Variants in TMEM120B observed in about 807,000 individuals in gnomAD.
The protein encoded by TMEM120B is transmembrane protein 120B.
Under a neutral mutation model 55.5 loss-of-function variants are expected in TMEM120B, and 31 were observed. That is an observed-to-expected ratio of 0.56 (90% CI 0.42 to 0.75). TMEM120B has a LOEUF of 0.75. Among genes scored for constraint, TMEM120B ranks in the 30% least tolerant of loss-of-function variants. The pLI is 0.00. For missense variants in TMEM120B, 399 were observed against 425.5 expected (o/e 0.94, Z 0.55); for synonymous variants, 203 against 176.3 (o/e 1.15, Z -1.20).
intron 5 of TMEM120B, among the ~76,000 whole-genome samples, chr12:121,760,227 C>T (rs2669162): frequency 0.18 from 26,805 of 151,364 alleles, 2,664 homozygotes; most frequent in South Asian, 0.3. Context: ...CGGTTGAACC[C>T]GGGAGGCAGA....
intron 1 of TMEM120B, 124 bp downstream of exon 1, chr12:121,713,088 G>C (rs1191858243): frequency 2.8e-6 from 2 of 712,072 alleles, no homozygotes; most frequent in East Asian, 7.1e-5. Flanking sequence ...GAGAGGCCCT[G>C]GGGGCGGACG....
intron 1 of TMEM120B, among the ~76,000 whole-genome samples, chr12:121,718,144 A>G (rs1268657931): frequency 1.3e-5 from 2 of 152,172 alleles, no homozygotes; most frequent in East Asian, 1.9e-4. Flanking sequence ...AACAATAACA[A>G]TAATAGCTAA....
chr12:121,712,829 G>A lies in TMEM120B; in HGVS notation c.-67G>A. On this transcript the variant is annotated 5_prime_UTR_variant, in exon 1 of 12. Transcript: ENST00000449592. ...GTCGGCGAGCGCGCGGGCGTGGGGC[G>A]CTGGGGGGCCGGTCGGGCAGCGCTG... 4.0e-6 allele frequency: 5 copies of A among 1,242,926 alleles called. No individual in the cohort carries two copies. In the South Asian group the frequency reaches 9.3e-5, roughly 23 times the overall value. 77.0% of individuals were successfully genotyped at this position (1,242,926 alleles called of 1,614,324 possible). A position where few individuals can be genotyped will look rare whatever the true frequency, so the allele number is the denominator to read the frequency against.
intron 1 of TMEM120B, among the ~76,000 whole-genome samples, chr12:121,718,000 A>G (rs1894731435): frequency 6.6e-6 from 1 of 152,170 alleles, no homozygotes; most frequent in Non-Finnish European, 1.5e-5. Flanking sequence ...AAGACACTGC[A>G]CAGGGAATCA....
chr12:121,772,082 TC>T (rs1874077144), intron 8 of TMEM120B, among the ~76,000 whole-genome samples: 4 of 137,440 alleles, frequency 2.9e-5, no homozygotes, highest in Admixed American at 2.1e-4. Context: ...TCTTTCTTTC[TC>T]TTTCTCTCTC....
At position 121,712,780 on chromosome 12, in the gene TMEM120B, G is replaced by A. The variant is rs1233602042; in HGVS notation, c.-116G>A. ...TGCGCGCGTGGCTCTGGCTGCGCAG[G>A]AACAGCTGGTGCCTCCGAGGGCGGT... On this transcript the variant is annotated 5_prime_UTR_variant, in exon 1 of 12. Coordinates refer to ENST00000449592, the MANE Select transcript of TMEM120B (RefSeq NM_001080825.2). 2 of 655,940 alleles carry A rather than the reference G, an allele frequency of 3.0e-6. No homozygotes were observed. Among genetic ancestry groups the A allele is most frequent in the Non-Finnish European group, 4.3e-6 (2 of 464,192 alleles). The allele number at this position is 655,940 out of a possible 1,614,324, so 40.6% of individuals were successfully genotyped here.
chr12:121,752,061 G>T, intron 4 of TMEM120B, 67 bp from the exon 5 acceptor site: 1 of 1,352,622 alleles, frequency 7.4e-7, no homozygotes, highest in Non-Finnish European at 1.1e-6. Flanking sequence ...ATGGGGCTGA[G>T]GGCCATGCCC....
In TMEM120B at chr12:121,746,957, C is replaced by CA. The variant is rs57485968; in HGVS notation, c.189-1358dup. On this transcript the variant is annotated intron_variant, in intron 2 of 11. Transcript: ENST00000449592. ...TGGGCGACAGAGCAAGACTCTGTCT[C>CA]AAAAAAAAAAAGAAAAGAAAAGAAA... is the stretch of plus-strand genomic sequence containing the variant. Among the ~76,000 whole-genome samples the CA allele has an allele frequency of 1.9e-3, 229 of 119,136 alleles. 1 individual carries two copies. The highest frequency in any genetic ancestry group is 3.0e-3 in the Non-Finnish European group (165 of 54,772). 78.2% of individuals were successfully genotyped at this position (119,136 alleles called of 152,430 possible).
chr12:121,742,250 G>A (rs1872954432), intron 1 of TMEM120B, among the ~76,000 whole-genome samples: 1 of 151,966 alleles, frequency 6.6e-6, no homozygotes, highest in Non-Finnish European at 1.5e-5. Flanking sequence ...TTATCTGCCT[G>A]CCTTGGCCTC....
intron 1 of TMEM120B, among the ~76,000 whole-genome samples, chr12:121,724,925 T>G (rs1176703931): frequency 2.0e-5 from 3 of 152,114 alleles, no homozygotes; most frequent in Non-Finnish European, 2.9e-5. Flanking sequence ...ACTAAAAGTT[T>G]TATAAAGAGA....
In TMEM120B at chr12:121,775,569, C is replaced by A. The variant is rs761014004; in HGVS notation, c.907-40C>A. ...TGCTGGGGGCAGGGGTTCAGCAGGG[C>A]AGATGCCCCAGCCTCGCCCTCCTCT... On this transcript the variant is annotated intron_variant, in intron 11 of 11. Coordinates refer to ENST00000449592, the MANE Select transcript of TMEM120B (RefSeq NM_001080825.2). The surrounding 1 kb of genome is among the most constrained non-coding windows in gnomAD (Gnocchi z 4.3). 11 of 1,590,066 alleles carry A rather than the reference C, an allele frequency of 6.9e-6. No individual in the cohort carries two copies. Among genetic ancestry groups the A allele is most frequent in the African/African-American group, 6.7e-5 (5 of 74,490 alleles).
At chr12:121,720,744 G>A (rs1052721890) in intron 1 of TMEM120B, among the ~76,000 whole-genome samples, 1 of 152,006 alleles carries the variant, frequency 6.6e-6, no homozygotes, top group South Asian at 2.1e-4. Flanking sequence ...TCTCTTGAAA[G>A]TTTACCACCA....
Position 121,750,571 on chromosome 12 carries a change from C to T in TMEM120B, c.365+132C>T, listed in dbSNP as rs1309689877. ...ACACCAACACCCCACACCTCAAACCCACACCCACACTCCACACCAACACCC... is the reference window on the plus strand; with the variant it reads ...ACACCAACACCCCACACCTCAAACCTACACCCACACTCCACACCAACACCC... On this transcript the variant is annotated intron_variant, in intron 4 of 11. Transcript: ENST00000449592. 4.5e-6 allele frequency: 3 copies of T among 670,670 alleles called. No individual in the cohort carries two copies. The African/African-American group carries it at 5.6e-5, about 12-fold the overall frequency. 41.5% of individuals were successfully genotyped at this position (670,670 alleles called of 1,614,324 possible). A position where few individuals can be genotyped will look rare whatever the true frequency, so the allele number is the denominator to read the frequency against.
intron 9 of TMEM120B, among the ~76,000 whole-genome samples, chr12:121,773,764 G>T (rs1398856085): frequency 1.1e-5 from 1 of 93,432 alleles, no homozygotes; most frequent in African/African-American, 6.2e-5. Flanking sequence ...GTGTGTTCTA[G>T]AATACACACA....
intron 4 of TMEM120B, among the ~76,000 whole-genome samples, chr12:121,751,715 C>T (rs916960523): frequency 1.4e-5 from 2 of 138,074 alleles, no homozygotes; most frequent in Admixed American, 7.7e-5. Flanking sequence ...CTTCCCATTT[C>T]GCACAAGAAA....
intron 9 of TMEM120B, 129 bp downstream of exon 9, chr12:121,773,642 T>TTCCAGAATTCA: frequency 1.5e-6 from 1 of 652,744 alleles, no homozygotes; most frequent in Non-Finnish European, 2.4e-6. Context: ...CCGAAGCGCC[T>TTCCAGAATTCA]TCCAGAATTC....
At chr12:121,723,926 A>G (rs1894842668) in intron 1 of TMEM120B, among the ~76,000 whole-genome samples, 1 of 151,812 alleles carries the variant, frequency 6.6e-6, no homozygotes, top group African/African-American at 2.4e-5. Flanking sequence ...TCAGTCTCGC[A>G]AGTAGCTGTG....
chr12:121,752,044 G>A (rs1873347079), intron 4 of TMEM120B, 84 bp from the exon 5 acceptor site: 1 of 1,127,192 alleles, frequency 8.9e-7, no homozygotes. Context: ...TGAAGGACAA[G>A]GGTCTGATGG....
intron 5 of TMEM120B, among the ~76,000 whole-genome samples, chr12:121,753,810 C>G (rs1873401793): frequency 6.6e-6 from 1 of 152,174 alleles, no homozygotes; most frequent in South Asian, 2.1e-4. Context: ...ATCTGTAAAA[C>G]AAGGGTGACG....
Sources: allele counts gnomAD v4.1 joint callset (sites outside exome capture counted in the v4.1 genomes callset), GRCh38; gene constraint gnomAD v4.1.1; non-coding constraint Gnocchi (gnomAD v3.1); transcripts MANE v1.5; gene names NCBI Gene and HGNC (gene_info 2026-07-23, HGNC 2026-07-21).